Variants in NNAT observed in about 807,000 individuals in gnomAD.
The protein encoded by NNAT is neuronatin.
NNAT carries 8 observed loss-of-function variants against 12.7 expected under a neutral mutation model. The ratio of observed to expected loss-of-function variants is 0.63; its 90% CI spans 0.37 to 1.14. The LOEUF (loss-of-function observed/expected upper bound fraction) is 1.14, where lower values mean the gene tolerates loss of function less well. Ranked by LOEUF, NNAT falls within the 50% of genes most tolerant of loss-of-function variation. The pLI is 0.01. For synonymous variants in NNAT, 52 were observed against 48.5 expected (o/e 1.07, Z -0.30); for missense variants, 94 against 108.3 (o/e 0.87, Z 0.59).
Position 37,523,219 on chromosome 20 carries a change from T to G in NNAT, c.*460T>G. The G allele has an allele frequency of 6.4e-6, 1 of 155,354 alleles. No homozygotes were observed. Among genetic ancestry groups the G allele is most frequent in the African/African-American group, 2.4e-5 (1 of 41,680 alleles). The allele number at this position is 155,354 out of a possible 1,614,324, so 9.6% of individuals were successfully genotyped here. A position where few individuals can be genotyped will look rare whatever the true frequency, so the allele number is the denominator to read the frequency against. Reference sequence around the variant, plus strand: ...GTGCAGCACCAACCGCGTGCCTGTGTGGCGGGACTGGAGGGCACAGTTGAG... The same window carrying G: ...GTGCAGCACCAACCGCGTGCCTGTGGGGCGGGACTGGAGGGCACAGTTGAG... On this transcript the variant is annotated 3_prime_UTR_variant, in exon 3 of 3. Transcript: ENST00000649451.
chr20:37,521,611 G>C lies in NNAT; in HGVS notation c.72+208G>C. 1 of 568,526 alleles carries C rather than the reference G, an allele frequency of 1.8e-6. No homozygotes were observed. Among genetic ancestry groups the C allele is most frequent in the East Asian group, 3.0e-5 (1 of 32,890 alleles). 35.2% of individuals were successfully genotyped at this position (568,526 alleles called of 1,614,324 possible). ...CGCTGACCCTCCCTAGTGCGCCCGC[G>C]CCTGCCAGGGAACAAAGACTCGGGG... On this transcript the variant is annotated intron_variant, in intron 1 of 2. Transcript: ENST00000649451. The surrounding 1 kb of genome is among the most constrained non-coding windows in gnomAD (Gnocchi z 4.5).
Position 37,522,816 on chromosome 20 carries a change from C to A in NNAT, c.*57C>A. On this transcript the variant is annotated 3_prime_UTR_variant, in exon 3 of 3. Transcript: ENST00000649451. ...CATCAGGTGCTCCTGTGCATCTCGG[C>A]CAGCACGGGAGCCAGTGCCGCGCAG... is the stretch of plus-strand genomic sequence containing the variant. The A allele has an allele frequency of 6.8e-7, 1 of 1,467,880 alleles. No homozygotes were observed. The allele number at this position is 1,467,880 out of a possible 1,614,324, so 90.9% of individuals were successfully genotyped here.
chr20:37,521,666 C>CCAGG lies in NNAT; in HGVS notation c.72+266_72+269dup, dbSNP rs2071580273. 2.0e-6 allele frequency: 1 copy of CCAGG among 490,538 alleles called. No homozygotes were observed. Among genetic ancestry groups the CCAGG allele is most frequent in the Non-Finnish European group, 3.7e-6 (1 of 272,130 alleles). 30.4% of individuals were successfully genotyped at this position (490,538 alleles called of 1,614,324 possible). A position where few individuals can be genotyped will look rare whatever the true frequency, so the allele number is the denominator to read the frequency against. ...GCGGGCGACCGCTGCGGACGATCAC[C>CCAGG]CAGGCATTTAGCGACCTACGCGGTA... On this transcript the variant is annotated intron_variant, in intron 1 of 2. Coordinates refer to ENST00000649451, the MANE Select transcript of NNAT (RefSeq NM_005386.4). This position sits in a 1 kb window ranked among gnomAD's most constrained non-coding sequence, Gnocchi z 4.5.
In NNAT at chr20:37,521,898, T is replaced by A. The variant is rs2071589180; in HGVS notation, c.73-460T>A. ...GGCACTTCTCAGAAAAAATAAAAAT[T>A]ACTTCGCAAAAAAAAAAAACCCTAC... is the stretch of plus-strand genomic sequence containing the variant. On this transcript the variant is annotated intron_variant, in intron 1 of 2. Transcript: ENST00000649451. The surrounding 1 kb of genome is among the most constrained non-coding windows in gnomAD (Gnocchi z 4.5). Among the ~76,000 whole-genome samples the A allele has an allele frequency of 1.4e-5, 2 of 143,136 alleles. No homozygotes were observed. The highest frequency in any genetic ancestry group is 4.4e-4 in the South Asian group (2 of 4,542). 93.9% of individuals were successfully genotyped at this position (143,136 alleles called of 152,430 possible).
In NNAT at chr20:37,522,782, C is replaced by A; in HGVS notation, c.*23C>A. 1 of 1,568,842 alleles carries A rather than the reference C, an allele frequency of 6.4e-7. No individual in the cohort carries two copies. The highest frequency in any genetic ancestry group is 8.6e-7 in the Non-Finnish European group (1 of 1,157,606). The stretch of plus-strand genomic sequence containing the variant: ...TGAGGCCCCAGCTCCCAGCCCTGGG[C>A]GGCCGTATCATCAGGTGCTCCTGTG... On this transcript the variant is annotated 3_prime_UTR_variant, in exon 3 of 3. Coordinates refer to ENST00000649451, the MANE Select transcript of NNAT (RefSeq NM_005386.4).
chr20:37,522,760 G>A lies in NNAT; in HGVS notation c.*1G>A, dbSNP rs2071632474. 6.3e-7 allele frequency: 1 copy of A among 1,597,600 alleles called. No individual in the cohort carries two copies. The highest frequency in any genetic ancestry group is 2.3e-5 in the East Asian group (1 of 44,174). ...GCGCAGGCAGCGAGCCCCCAACTGA[G>A]GCCCCAGCTCCCAGCCCTGGGCGGC... On this transcript the variant is annotated 3_prime_UTR_variant, in exon 3 of 3. Transcript: ENST00000649451.
Position 37,521,605 on chromosome 20 carries a change from G to A in NNAT, c.72+202G>A, listed in dbSNP as rs2071577780. On this transcript the variant is annotated intron_variant, in intron 1 of 2. Transcript: ENST00000649451. The surrounding 1 kb of genome is among the most constrained non-coding windows in gnomAD (Gnocchi z 4.5). ...TCCTCGCGCTGACCCTCCCTAGTGC[G>A]CCCGCGCCTGCCAGGGAACAAAGAC... is the stretch of plus-strand genomic sequence containing the variant. 3 of 570,372 alleles carry A rather than the reference G, an allele frequency of 5.3e-6. No homozygotes were observed. The African/African-American group carries it at 5.7e-5, about 11-fold the overall frequency. The allele number at this position is 570,372 out of a possible 1,614,324, so 35.3% of individuals were successfully genotyped here.
In NNAT at chr20:37,522,671, T is replaced by G. The variant is rs201272163; in HGVS notation, c.158T>G (p.Phe53Cys). Reference sequence around the variant, plus strand: ...GTCCTGGGTTTCTCGTCGCAGGTGTTCAGGTACTCCCTGCAGAAGCTGGCA... The same window carrying G: ...GTCCTGGGTTTCTCGTCGCAGGTGTGCAGGTACTCCCTGCAGAAGCTGGCA... ...GTQPIARSEV[F>C]RYSLQKLAYT... The change falls in exon 3 of 3, where the codon TTC (phenylalanine) becomes TGC (cysteine). Residue 53 changes from phenylalanine to cysteine, a missense_variant. Physicochemically the swap from Phe to Cys is radical, Grantham distance 205. Transcript: ENST00000649451. The G allele has an allele frequency of 3.7e-6, 6 of 1,611,236 alleles. No homozygotes were observed. Among genetic ancestry groups the G allele is most frequent in the Non-Finnish European group, 4.2e-6 (5 of 1,178,950 alleles).
At position 37,521,758 on chromosome 20, in the gene NNAT, T is replaced by G. The variant is rs2147188916; in HGVS notation, c.72+355T>G. ...CGGGGCACTACTGTGTTGAAAGACT[T>G]TACAGCTCGCAGAGTGAAAATTTTC... On this transcript the variant is annotated intron_variant, in intron 1 of 2. Transcript: ENST00000649451. The surrounding 1 kb of genome is among the most constrained non-coding windows in gnomAD (Gnocchi z 4.5). 4.8e-6 allele frequency: 1 copy of G among 206,398 alleles called. No individual in the cohort carries two copies. Among genetic ancestry groups the G allele is most frequent in the East Asian group, 1.1e-4 (1 of 8,894 alleles). 12.8% of individuals were successfully genotyped at this position (206,398 alleles called of 1,614,324 possible). A position where few individuals can be genotyped will look rare whatever the true frequency, so the allele number is the denominator to read the frequency against.
intron 2 of NNAT, 62 bp downstream of exon 2, chr20:37,522,500 A>C: frequency 6.5e-7 from 1 of 1,529,142 alleles, no homozygotes; most frequent in Non-Finnish European, 9.0e-7. Flanking sequence ...CAGTTGGAAA[A>C]GCTCCAGCTG....
rs1418167705 is a variant in NNAT, at chr20:37,521,665, C to T, written c.72+262C>T. ...GGCGGGCGACCGCTGCGGACGATCA[C>T]CCAGGCATTTAGCGACCTACGCGGT... On this transcript the variant is annotated intron_variant, in intron 1 of 2. Transcript: ENST00000649451. This position sits in a 1 kb window ranked among gnomAD's most constrained non-coding sequence, Gnocchi z 4.5. 7 of 492,170 alleles carry T rather than the reference C, an allele frequency of 1.4e-5. No individual in the cohort carries two copies. The highest frequency in any genetic ancestry group is 2.3e-5 in the South Asian group (1 of 43,964). 30.5% of individuals were successfully genotyped at this position (492,170 alleles called of 1,614,324 possible). A position where few individuals can be genotyped will look rare whatever the true frequency, so the allele number is the denominator to read the frequency against.
Position 37,522,405 on chromosome 20 carries a change from T to C in NNAT, c.120T>C (p.Asn40=). ...CIYWVGFAFR[N]PPGTQPIARS... Reference sequence around the variant, plus strand: ...ACTGGGTAGGATTCGCTTTTCGAAATCCTCCAGGGACACAGCCCATTGCGA... The same window carrying C: ...ACTGGGTAGGATTCGCTTTTCGAAACCCTCCAGGGACACAGCCCATTGCGA... Residue 40 remains asparagine (N), a synonymous_variant, in exon 2 of 3, where the codon AAT becomes AAC. Coordinates refer to ENST00000649451, the MANE Select transcript of NNAT (RefSeq NM_005386.4). 3 of 1,614,004 alleles carry C rather than the reference T, an allele frequency of 1.9e-6. No homozygotes were observed. The highest frequency in any genetic ancestry group is 2.5e-6 in the Non-Finnish European group (3 of 1,179,984).
chr20:37,522,344 A>T lies in NNAT; in HGVS notation c.73-14A>T. Reference sequence around the variant, plus strand: ...AGGAATCCTTTGCCAAAGGAATCGCATATTTCCTTCAAGGTGTTCCTGGAA... The same window carrying T: ...AGGAATCCTTTGCCAAAGGAATCGCTTATTTCCTTCAAGGTGTTCCTGGAA... On this transcript the variant is annotated splice_polypyrimidine_tract_variant and intron_variant, in intron 1 of 2. Transcript: ENST00000649451. 1 of 1,611,032 alleles carries T rather than the reference A, an allele frequency of 6.2e-7. No homozygotes were observed. The highest frequency in any genetic ancestry group is 8.5e-7 in the Non-Finnish European group (1 of 1,177,360).
rs2071584710 is a variant in NNAT at position 37,521,784 on chromosome 20, C to G, written c.72+381C>G. 1 of 179,522 alleles carries G rather than the reference C, an allele frequency of 5.6e-6. No homozygotes were observed. The highest frequency in any genetic ancestry group is 1.2e-5 in the Non-Finnish European group (1 of 86,748). 11.1% of individuals were successfully genotyped at this position (179,522 alleles called of 1,614,324 possible). ...TACAGCTCGCAGAGTGAAAATTTTCCACCTTAAAAAATTGCGCATTGCGGA... is the reference window on the plus strand; with the variant it reads ...TACAGCTCGCAGAGTGAAAATTTTCGACCTTAAAAAATTGCGCATTGCGGA... On this transcript the variant is annotated intron_variant, in intron 1 of 2. Coordinates refer to ENST00000649451, the MANE Select transcript of NNAT (RefSeq NM_005386.4). This position sits in a 1 kb window ranked among gnomAD's most constrained non-coding sequence, Gnocchi z 4.5.
chr20:37,522,598 G>GGGGGGGGGGGGGGGGGGGGGGGGCCCC, intron 2 of NNAT, 69 bp from the exon 3 acceptor site: 1 of 864,396 alleles, frequency 1.2e-6, no homozygotes, highest in Non-Finnish European at 1.7e-6. Flanking sequence ...GCGGGGGTGG[G>GGGGGGGGGGGGGGGGGGGGGGGGCCCC]CACGGCAGCA....
At position 37,521,397 on chromosome 20, in the gene NNAT, G is replaced by C; in HGVS notation, c.66G>C (p.Leu22=). ...LIIGWYIFRV[L]LQVFLECCIY... is the part of the protein sequence containing the mutation. ...TCGGCTGGTACATCTTCCGCGTGCT[G>C]CTGCAGGTAAGTCTGACGGGGTTTC... is the stretch of plus-strand genomic sequence containing the variant. Residue 22 remains leucine, a synonymous_variant, in exon 1 of 3, where the codon CTG becomes CTC. Transcript: ENST00000649451. The surrounding 1 kb of genome is among the most constrained non-coding windows in gnomAD (Gnocchi z 4.5). 6.2e-7 allele frequency: 1 copy of C among 1,614,114 alleles called. No individual in the cohort carries two copies. Among genetic ancestry groups the C allele is most frequent in the Middle Eastern group, 1.6e-4 (1 of 6,062 alleles).
In NNAT at chr20:37,523,543, ATTGT is replaced by A. The variant is rs1378365401; in HGVS notation, c.*787_*790del. 1.3e-5 allele frequency: 2 copies of A among 152,438 alleles called. No homozygotes were observed. Among genetic ancestry groups the A allele is most frequent in the African/African-American group, 2.4e-5 (1 of 41,328 alleles). 9.4% of individuals were successfully genotyped at this position (152,438 alleles called of 1,614,324 possible). A position where few individuals can be genotyped will look rare whatever the true frequency, so the allele number is the denominator to read the frequency against. On this transcript the variant is annotated 3_prime_UTR_variant, in exon 3 of 3. Transcript: ENST00000649451. ...ATTGTGGTAATCGCTAATTGTACTG[ATTGT>A]TTAAGTGTGCATTAGTTGTGTCTCC...
At chr20:37,522,198 T>A (rs1405567927) in intron 1 of NNAT, among the ~76,000 whole-genome samples, 160 bp from the exon 2 acceptor site, 15 of 144,782 alleles carry the variant, frequency 1.0e-4, no homozygotes, top group South Asian at 2.2e-4. Context: ...AAAATAATAA[T>A]AAAAAAAATA....
chr20:37,522,512 C>A, intron 2 of NNAT, 74 bp downstream of exon 2: 1 of 1,501,006 alleles, frequency 6.7e-7, no homozygotes, highest in Non-Finnish European at 9.2e-7. Context: ...CTCCAGCTGC[C>A]CTGACTCGTG....
Sources: allele counts gnomAD v4.1 joint callset (sites outside exome capture counted in the v4.1 genomes callset), GRCh38; gene constraint gnomAD v4.1.1; non-coding constraint Gnocchi (gnomAD v3.1); transcripts MANE v1.5; gene names NCBI Gene and HGNC (gene_info 2026-07-23, HGNC 2026-07-21).